NMNAT2: variants seen among roughly 807,000 people sequenced by gnomAD.
NMNAT2 encodes nicotinamide/nicotinic acid mononucleotide adenylyltransferase 2.
Under a neutral mutation model 41.6 loss-of-function variants are expected in NMNAT2, and 11 were observed. The observed-to-expected ratio is 0.26, with a 90% CI of 0.17 to 0.44. The LOEUF (loss-of-function observed/expected upper bound fraction) is 0.44, where lower values mean the gene tolerates loss of function less well. Among genes scored for constraint, NMNAT2 ranks in the 20% least tolerant of loss-of-function variants. The pLI, the probability that NMNAT2 is intolerant of heterozygous loss-of-function variation, is 1.00. For missense variants in NMNAT2, 288 were observed against 407.7 expected (o/e 0.71, Z 2.53); for synonymous variants, 148 against 151.2 (o/e 0.98, Z 0.16).
intron 1 of NMNAT2, among the ~76,000 whole-genome samples, chr1:183,334,790 A>G (rs910584493): frequency 6.6e-5 from 10 of 151,720 alleles, no homozygotes; most frequent in African/African-American, 2.4e-4. Context: ...GATTACAGGC[A>G]TGAGCCACCG....
At chr1:183,325,308 C>T (rs1571599116) in intron 1 of NMNAT2, among the ~76,000 whole-genome samples, 1 of 152,252 alleles carries the variant, frequency 6.6e-6, no homozygotes, top group Non-Finnish European at 1.5e-5. Flanking sequence ...AATTCAATTT[C>T]TTCCTCTGCA....
intron 1 of NMNAT2, among the ~76,000 whole-genome samples, chr1:183,403,498 C>G (rs1221011148): frequency 6.6e-6 from 1 of 151,088 alleles, no homozygotes; most frequent in Non-Finnish European, 1.5e-5. Context: ...GGAGCCCCCA[C>G]TCGGGAGACT....
At position 183,418,181 on chromosome 1, in the gene NMNAT2, A is replaced by G; in HGVS notation, c.85+2T>C. The G allele has an allele frequency of 6.2e-7, 1 of 1,613,840 alleles. No homozygotes were observed. Among genetic ancestry groups the G allele is most frequent in the Non-Finnish European group, 8.5e-7 (1 of 1,179,866 alleles). ...CTTCCAGAGGTGGGCGGGAGGACTC[A>G]CCAAACATCTGAATGTGCCCTTTGG... On this transcript the variant is annotated splice_donor_variant, in intron 1 of 10. Coordinates refer to ENST00000287713, the MANE Select transcript of NMNAT2 (RefSeq NM_015039.4). LOFTEE classifies it high-confidence loss of function.
intron 10 of NMNAT2, among the ~76,000 whole-genome samples, chr1:183,259,711 T>C (rs944941314): frequency 2.7e-4 from 41 of 152,146 alleles, no homozygotes; most frequent in African/African-American, 9.7e-4. Context: ...GCAATTCTCC[T>C]GCCTCAGTCT....
chr1:183,409,894 G>A (rs1399339249), intron 1 of NMNAT2, among the ~76,000 whole-genome samples: 1 of 152,142 alleles, frequency 6.6e-6, no homozygotes, highest in African/African-American at 2.4e-5. Context: ...CCTATCAGGG[G>A]GGTGAATTTT....
At chr1:183,342,433 A>G (rs1195856138) in intron 1 of NMNAT2, among the ~76,000 whole-genome samples, 1 of 152,214 alleles carries the variant, frequency 6.6e-6, no homozygotes, top group Non-Finnish European at 1.5e-5. Flanking sequence ...AGACTATCAC[A>G]GTTCACATCC....
chr1:183,336,051 T>C (rs774856464), intron 1 of NMNAT2, among the ~76,000 whole-genome samples: 1 of 152,230 alleles, frequency 6.6e-6, no homozygotes, highest in Non-Finnish European at 1.5e-5. Flanking sequence ...ATGTGTGTGA[T>C]TTCTTCTCAT....
At chr1:183,367,654 C>T (rs1399654395) in intron 1 of NMNAT2, among the ~76,000 whole-genome samples, 1 of 152,192 alleles carries the variant, frequency 6.6e-6, no homozygotes, top group Non-Finnish European at 1.5e-5. Flanking sequence ...GATTTCAACA[C>T]ATTGTTGACC....
At chr1:183,373,864 C>A (rs1267653752) in intron 1 of NMNAT2, among the ~76,000 whole-genome samples, 1 of 152,092 alleles carries the variant, frequency 6.6e-6, no homozygotes, top group Non-Finnish European at 1.5e-5. Flanking sequence ...GTGATCTGCC[C>A]GCCTCAGCCT....
At chr1:183,372,896 G>T (rs185055860) in intron 1 of NMNAT2, among the ~76,000 whole-genome samples, 1 of 152,218 alleles carries the variant, frequency 6.6e-6, no homozygotes, top group Non-Finnish European at 1.5e-5. Context: ...GGTTAATATC[G>T]CAGGGCCTGG....
intron 7 of NMNAT2, among the ~76,000 whole-genome samples, chr1:183,279,671 A>T (rs1489290501): frequency 6.6e-6 from 1 of 152,112 alleles, no homozygotes; most frequent in Non-Finnish European, 1.5e-5. Flanking sequence ...CCTGCTGTGG[A>T]ATGAGTCTCT....
chr1:183,370,893 C>A (rs781361736), intron 1 of NMNAT2, among the ~76,000 whole-genome samples: 4 of 152,136 alleles, frequency 2.6e-5, no homozygotes, highest in Non-Finnish European at 5.9e-5. Flanking sequence ...CCACTATAGC[C>A]CCAGAGCCTC....
At chr1:183,303,160 T>C (rs6687056) in intron 1 of NMNAT2, among the ~76,000 whole-genome samples, 41,007 of 152,024 alleles carry the variant, frequency 0.27, 5,738 homozygotes, top group South Asian at 0.34. Flanking sequence ...AGCAATGATA[T>C]CATTTTCATC....
chr1:183,269,233 C>G (rs568756175), intron 8 of NMNAT2, among the ~76,000 whole-genome samples: 2 of 152,054 alleles, frequency 1.3e-5, no homozygotes, highest in African/African-American at 2.4e-5. Context: ...GTACAAAGAC[C>G]CTGAGGTGGG....
chr1:183,379,362 GT>G (rs1339717194), intron 1 of NMNAT2, among the ~76,000 whole-genome samples: 3 of 151,668 alleles, frequency 2.0e-5, no homozygotes, highest in Non-Finnish European at 4.4e-5. Flanking sequence ...TTTGTTTTTT[GT>G]AGAGATGAGG....
chr1:183,351,822 A>G (rs1663052172), intron 1 of NMNAT2, among the ~76,000 whole-genome samples: 1 of 152,166 alleles, frequency 6.6e-6, no homozygotes, highest in Non-Finnish European at 1.5e-5. Flanking sequence ...TATAGAAACC[A>G]GGTACCCTTG....
intron 1 of NMNAT2, among the ~76,000 whole-genome samples, chr1:183,328,843 G>C (rs1662521332): frequency 6.6e-6 from 1 of 152,148 alleles, no homozygotes; most frequent in Non-Finnish European, 1.5e-5. Context: ...CAGTTGATTG[G>C]ACTATAAAAG....
chr1:183,261,382 T>C (rs566378062), intron 8 of NMNAT2, 79 bp from the exon 9 acceptor site: 1 of 73,772 alleles, frequency 1.4e-5, no homozygotes, highest in South Asian at 1.2e-4. Flanking sequence ...CATGGCAGAA[T>C]CCGCTTCCAT....
At chr1:183,292,678 G>T (rs924943671) in intron 3 of NMNAT2, 112 bp downstream of exon 3, 113 of 949,786 alleles carry the variant, frequency 1.2e-4, no homozygotes, top group Non-Finnish European at 1.7e-4. Flanking sequence ...TCTTGCCCCT[G>T]CCTCCCCATC....
Sources: gnomAD v4.1 joint callset for allele counts (sites outside exome capture counted in the v4.1 genomes callset) on GRCh38, gnomAD v4.1.1 for gene constraint, MANE v1.5 for transcripts, NCBI Gene and HGNC (gene_info 2026-07-23, HGNC 2026-07-21) for gene names.